TXLNG: variants seen among roughly 807,000 people sequenced by gnomAD.
TXLNG encodes gamma-taxilin.
A neutral mutation model predicts 38.8 loss-of-function variants in TXLNG; 5 were observed. The observed-to-expected ratio is 0.13, with a 90% CI of 0.07 to 0.27. The LOEUF is 0.27. Ranked by LOEUF, TXLNG falls within the 10% of genes least tolerant of loss-of-function variation. The probability of loss-of-function intolerance (pLI) is 1.00; values close to 1 mark genes in which losing one functional copy is unlikely to be tolerated. For missense variants in TXLNG, 393 were observed against 398.2 expected (o/e 0.99, Z 0.11); for synonymous variants, 182 against 158.2 (o/e 1.15, Z -1.13).
Position 16,829,745 on chromosome X carries a change from T to C in TXLNG, c.839T>C (p.Ile280Thr), listed in dbSNP as rs1484319901. 1 of 1,210,139 alleles carries C rather than the reference T, an allele frequency of 8.3e-7. No homozygotes were observed. The highest frequency in any genetic ancestry group is 1.7e-5 in the African/African-American group (1 of 57,221). ...IELGEKLKKL[I>T]EQYALREEHI... ...CTGGGGGAGAAGCTAAAGAAGCTCA[T>C]CGAACAGTACGCACTGAGGGAAGAG... is the stretch of plus-strand genomic sequence containing the variant. The change falls in exon 5 of 10, where the codon ATC (isoleucine) becomes ACC (threonine). Residue 280 changes from isoleucine (I) to threonine (T), a missense_variant. By Grantham distance (89) the Ile-to-Thr change is moderately conservative. Transcript: ENST00000380122.
intron 1 of TXLNG, among the ~76,000 whole-genome samples, chrX:16,811,665 C>T (rs1418601739): frequency 9.7e-6 from 1 of 103,058 alleles, no homozygotes; most frequent in Non-Finnish European, 2.0e-5. Flanking sequence ...TTTTTTGAGA[C>T]GGAGTCTCGC....
At chrX:16,837,010 C>T (rs1276483291) in intron 7 of TXLNG, among the ~76,000 whole-genome samples, 4 of 111,353 alleles carry the variant, frequency 3.6e-5, no homozygotes, top group Non-Finnish European at 7.5e-5. Context: ...AAGATGGTGA[C>T]TCCATTTTAT....
intron 1 of TXLNG, among the ~76,000 whole-genome samples, chrX:16,816,213 C>T (rs1008360322): frequency 9.1e-6 from 1 of 110,182 alleles, no homozygotes; most frequent in African/African-American, 3.3e-5. Flanking sequence ...CCAGGCTGGT[C>T]TTGAACTCCT....
chrX:16,843,684 T>C lies in TXLNG; in HGVS notation c.*1918T>C, dbSNP rs1435020930. 3 of 112,313 alleles carry C rather than the reference T, an allele frequency of 2.7e-5. No individual in the cohort carries two copies. Among genetic ancestry groups the C allele is most frequent in the Non-Finnish European group, 5.6e-5 (3 of 53,305 alleles). The allele number at this position is 112,313 out of a possible 1,213,427, so 9.3% of individuals were successfully genotyped here. A position where few individuals can be genotyped will look rare whatever the true frequency, so the allele number is the denominator to read the frequency against. ...TGTAGCCCACCACGTTTCTTTGTGGTGCTTGTCCTGTGTGGAAGATTGTAA... is the reference window on the plus strand; with the variant it reads ...TGTAGCCCACCACGTTTCTTTGTGGCGCTTGTCCTGTGTGGAAGATTGTAA... On this transcript the variant is annotated 3_prime_UTR_variant, in exon 10 of 10. Transcript: ENST00000380122.
rs187725363 is a variant in TXLNG at position 16,821,058 on chromosome X, C to T, written c.498+803C>T. ...TGCTGGGATTACAGGCATGAGTCAC[C>T]GCGCCCGTCCATTCTCAGCTATATT... is the stretch of plus-strand genomic sequence containing the variant. On this transcript the variant is annotated intron_variant, in intron 3 of 9. Transcript: ENST00000380122. Among the ~76,000 whole-genome samples the T allele has an allele frequency of 2.0e-4, 21 of 106,049 alleles. No homozygotes were observed. In the East Asian group the frequency reaches 4.6e-3, roughly 23 times the overall value. The allele number at this position is 106,049 out of a possible 115,157, so 92.1% of individuals were successfully genotyped here.
At chrX:16,840,945 C>G (rs1020399961) in intron 9 of TXLNG, among the ~76,000 whole-genome samples, 1 of 111,421 alleles carries the variant, frequency 9.0e-6, no homozygotes, top group Non-Finnish European at 1.9e-5. Context: ...GCCTGTAATC[C>G]CAGCGCTTCG....
chrX:16,838,089 A>G (rs1416979611), intron 8 of TXLNG, among the ~76,000 whole-genome samples: 1 of 111,692 alleles, frequency 9.0e-6, no homozygotes, highest in Non-Finnish European at 1.9e-5. Context: ...GTTGGTTGAT[A>G]TATCAGTGTT....
At chrX:16,813,398 C>T (rs1210524144) in intron 1 of TXLNG, among the ~76,000 whole-genome samples, 1 of 108,410 alleles carries the variant, frequency 9.2e-6, no homozygotes, top group Non-Finnish European at 1.9e-5. Flanking sequence ...TCCTAGTGCC[C>T]TGGGAGACTG....
chrX:16,829,308 C>A (rs748905264), intron 4 of TXLNG, among the ~76,000 whole-genome samples: 1 of 111,431 alleles, frequency 9.0e-6, no homozygotes, highest in Admixed American at 9.6e-5. Context: ...CCTGTGTAAC[C>A]GGCGAGTATT....
rs756390041 is a variant in TXLNG, at chrX:16,838,250, A to G, written c.1152+565A>G. Among the ~76,000 whole-genome samples, 3 of 112,227 alleles carry G rather than the reference A, an allele frequency of 2.7e-5. No homozygotes were observed. In the South Asian group the frequency reaches 1.1e-3, roughly 41 times the overall value. ...GAGATCAAGCTAAGGACCAAAGTAT[A>G]TAATTCTATGCATATCCAGCCAGCC... On this transcript the variant is annotated intron_variant, in intron 8 of 9. Coordinates refer to ENST00000380122, the MANE Select transcript of TXLNG (RefSeq NM_018360.3).
chrX:16,825,455 C>T (rs768440222), intron 3 of TXLNG, among the ~76,000 whole-genome samples: 3 of 112,211 alleles, frequency 2.7e-5, no homozygotes, highest in Non-Finnish European at 3.8e-5. Flanking sequence ...ATAACAAAAC[C>T]TAGAGACAGC....
Position 16,842,592 on chromosome X carries a change from G to A in TXLNG, c.*826G>A, listed in dbSNP as rs1375734686. ...TTATTCTTTGAAAACTGGTGTTCAT[G>A]TTTGCCGTTCAATGAAGTCCCTTGT... On this transcript the variant is annotated 3_prime_UTR_variant, in exon 10 of 10. Transcript: ENST00000380122. 5.4e-5 allele frequency: 6 copies of A among 112,087 alleles called. No homozygotes were observed. Among genetic ancestry groups the A allele is most frequent in the Non-Finnish European group, 1.1e-4 (6 of 53,276 alleles). 9.2% of individuals were successfully genotyped at this position (112,087 alleles called of 1,213,427 possible).
Position 16,840,950 on chromosome X carries a change from G to A in TXLNG, c.1249-478G>A, listed in dbSNP as rs768723484. Among the ~76,000 whole-genome samples, 15 of 110,476 alleles carry A rather than the reference G, an allele frequency of 1.4e-4. No homozygotes were observed. The South Asian group carries it at 2.7e-3, about 20-fold the overall frequency. On this transcript the variant is annotated intron_variant, in intron 9 of 9. Coordinates refer to ENST00000380122, the MANE Select transcript of TXLNG (RefSeq NM_018360.3). ...TTTGGCTCACGCCTGTAATCCCAGCGCTTCGGGAGGCCAAGGCGGGCAGAT... is the reference window on the plus strand; with the variant it reads ...TTTGGCTCACGCCTGTAATCCCAGCACTTCGGGAGGCCAAGGCGGGCAGAT...
At chrX:16,828,579 A>G (rs1929261149) in intron 4 of TXLNG, among the ~76,000 whole-genome samples, 1 of 111,858 alleles carries the variant, frequency 8.9e-6, no homozygotes. Context: ...TCTGCTGAGC[A>G]CTGATACAGC....
chrX:16,798,354 A>G (rs1350652165), intron 1 of TXLNG, among the ~76,000 whole-genome samples: 3 of 112,103 alleles, frequency 2.7e-5, no homozygotes, highest in African/African-American at 9.7e-5. Flanking sequence ...TTAAAGCTCA[A>G]ATTTTATCAT....
chrX:16,789,487 G>A (rs1927627090), intron 1 of TXLNG, among the ~76,000 whole-genome samples: 1 of 107,915 alleles, frequency 9.3e-6, no homozygotes, highest in African/African-American at 3.4e-5. Flanking sequence ...CAAGTTTCAG[G>A]TATTCAGTAG....
chrX:16,814,002 C>T (rs943806940), intron 1 of TXLNG, among the ~76,000 whole-genome samples: 137 of 111,209 alleles, frequency 1.2e-3, no homozygotes, highest in Middle Eastern at 4.7e-3. Context: ...AGGAGAATGG[C>T]GTGAACCCGG....
intron 1 of TXLNG, among the ~76,000 whole-genome samples, chrX:16,807,244 G>A (rs773974206): frequency 1.8e-5 from 2 of 111,856 alleles, no homozygotes; most frequent in African/African-American, 3.3e-5. Flanking sequence ...AAAATTCTAC[G>A]TATCTTTCAT....
chrX:16,816,291 C>T (rs769523697), intron 1 of TXLNG, among the ~76,000 whole-genome samples: 29 of 111,173 alleles, frequency 2.6e-4, no homozygotes, highest in African/African-American at 3.6e-4. Flanking sequence ...CCACCTTGCC[C>T]GGCCTATTAA....
Sources: allele counts gnomAD v4.1 joint callset (sites outside exome capture counted in the v4.1 genomes callset), GRCh38; gene constraint gnomAD v4.1.1; transcripts MANE v1.5; gene names NCBI Gene and HGNC (gene_info 2026-07-23, HGNC 2026-07-21).